The following HIPK2 variants were observed in gnomAD, a reference collection of about 807,000 sequenced individuals.
The protein encoded by HIPK2 is homeodomain-interacting protein kinase 2.
In HIPK2, 27 loss-of-function variants were observed where a neutral mutation model predicts 113.7. The observed-to-expected ratio is 0.24, with a 90% CI of 0.17 to 0.33. The LOEUF (loss-of-function observed/expected upper bound fraction) is 0.33, where lower values mean the gene tolerates loss of function less well. Among genes scored for constraint, HIPK2 ranks in the 10% least tolerant of loss-of-function variants. The pLI is 1.00. For missense variants in HIPK2, 1,257 were observed against 1,588.0 expected, an observed-to-expected ratio of 0.79 and a Z score of 3.54; for synonymous variants, 631 against 642.2, an observed-to-expected ratio of 0.98 and a Z score of 0.26.
intron 2 of HIPK2, among the ~76,000 whole-genome samples, chr7:139,633,900 G>A (rs953200845): frequency 4.0e-5 from 6 of 151,508 alleles, no homozygotes; most frequent in Admixed American, 6.6e-5. Flanking sequence ...AGCCGGGATC[G>A]TGCCATTGTA....
intron 2 of HIPK2, among the ~76,000 whole-genome samples, chr7:139,712,590 G>A (rs1335760484): frequency 3.3e-5 from 5 of 152,216 alleles, no homozygotes; most frequent in Admixed American, 2.6e-4. Flanking sequence ...CAGCCCAGGC[G>A]GCTCAAACAC....
At chr7:139,579,936 A>G (rs1322448512) in intron 13 of HIPK2, among the ~76,000 whole-genome samples, 1 of 152,158 alleles carries the variant, frequency 6.6e-6, no homozygotes, top group Non-Finnish European at 1.5e-5. Context: ...GGCTGAACAG[A>G]CCTGCATTTG....
intron 1 of HIPK2, among the ~76,000 whole-genome samples, chr7:139,738,675 G>A (rs1390527806): frequency 6.6e-6 from 1 of 152,184 alleles, no homozygotes; most frequent in Non-Finnish European, 1.5e-5. Flanking sequence ...ATGGGGTGAA[G>A]TGATAACAGG....
rs186983087 is a variant in HIPK2 at position 139,621,251 on chromosome 7, C to T, written c.1620-688G>A. 3.9e-5 allele frequency among the ~76,000 whole-genome samples: 6 copies of T among 152,220 alleles called. 1 individual carries two copies. In the South Asian group the frequency reaches 6.2e-4, roughly 16 times the overall value. On this transcript the variant is annotated intron_variant, in intron 6 of 14. Transcript: ENST00000406875. ...AGACATGATTCTCGTCCCTACTTCA[C>T]GAGTAAGGCTGAAGCTTAGGGAGGT... is the stretch of plus-strand genomic sequence containing the variant.
intron 14 of HIPK2, among the ~76,000 whole-genome samples, chr7:139,574,799 A>G (rs1798432432): frequency 6.6e-6 from 1 of 152,266 alleles, no homozygotes; most frequent in Non-Finnish European, 1.5e-5. Context: ...GGGCCGGGAC[A>G]CAGTGCTCTA....
At chr7:139,609,561 G>A (rs908080848) in intron 9 of HIPK2, among the ~76,000 whole-genome samples, 48 of 152,224 alleles carry the variant, frequency 3.2e-4, no homozygotes, top group Non-Finnish European at 1.3e-4. Context: ...GATTTGGAAT[G>A]CCTCTGCCTG....
intron 13 of HIPK2, among the ~76,000 whole-genome samples, chr7:139,582,282 C>T (rs1445533111): frequency 6.6e-6 from 1 of 152,248 alleles, no homozygotes; most frequent in Non-Finnish European, 1.5e-5. Context: ...CAAGTACAGC[C>T]TGGCCCCTGT....
intron 2 of HIPK2, among the ~76,000 whole-genome samples, chr7:139,692,561 C>T (rs1024043487): frequency 1.3e-5 from 2 of 152,164 alleles, no homozygotes; most frequent in South Asian, 2.1e-4. Flanking sequence ...CTATTGTCAT[C>T]TGTAGAATTT....
chr7:139,746,580 T>G (rs1796193953), intron 1 of HIPK2, among the ~76,000 whole-genome samples: 1 of 152,154 alleles, frequency 6.6e-6, no homozygotes, highest in Non-Finnish European at 1.5e-5. Context: ...ACTGACTACT[T>G]ATTGATGTCC....
chr7:139,588,931 C>G (rs1798927594), intron 12 of HIPK2, among the ~76,000 whole-genome samples: 1 of 152,216 alleles, frequency 6.6e-6, no homozygotes, highest in South Asian at 2.1e-4. Context: ...TGGCGCTGCC[C>G]TGCCCTTCAC....
At chr7:139,605,971 A>G (rs1043789377) in intron 9 of HIPK2, among the ~76,000 whole-genome samples, 3 of 152,252 alleles carry the variant, frequency 2.0e-5, no homozygotes, top group African/African-American at 4.8e-5. Context: ...TTCAGAGCTC[A>G]TGAAAAGCAT....
rs144667734 is a variant in HIPK2 at position 139,711,030 on chromosome 7, A to C, written c.1103+4902T>G. On this transcript the variant is annotated intron_variant, in intron 2 of 14. Transcript: ENST00000406875. ...TTTTTTTTTAATAAATTACCCAGTC[A>C]TAGGTAGCTCTTTATGGCAATGCAA... 6.5e-4 allele frequency among the ~76,000 whole-genome samples: 98 copies of C among 151,356 alleles called. 2 individuals carry two copies. In the East Asian group the frequency reaches 0.018, roughly 28 times the overall value.
intron 13 of HIPK2, 44 bp downstream of exon 13, chr7:139,583,773 A>G (rs1798744353): frequency 1.9e-6 from 3 of 1,585,238 alleles, no homozygotes; most frequent in Non-Finnish European, 1.7e-6. Flanking sequence ...CAGGAAAACC[A>G]CTCTCCAGGG....
chr7:139,702,138 G>A (rs984994851), intron 2 of HIPK2, among the ~76,000 whole-genome samples: 129 of 152,304 alleles, frequency 8.5e-4, no homozygotes, highest in African/African-American at 2.9e-3. Flanking sequence ...AGCGCAGGCC[G>A]GGGCACGAGA....
chr7:139,672,949 T>G (rs74733514), intron 2 of HIPK2, among the ~76,000 whole-genome samples: 4,768 of 152,240 alleles, frequency 0.031, 87 homozygotes, highest in South Asian at 0.059. Context: ...AGTATCCTCC[T>G]TGCAAAAAGT....
At chr7:139,584,412 C>T (rs1054243541) in intron 12 of HIPK2, among the ~76,000 whole-genome samples, 2 of 152,152 alleles carry the variant, frequency 1.3e-5, no homozygotes, top group African/African-American at 2.4e-5. Flanking sequence ...GTACAACCCC[C>T]GTGGGCCTGC....
intron 1 of HIPK2, among the ~76,000 whole-genome samples, chr7:139,722,992 T>C (rs1458204740): frequency 6.6e-6 from 1 of 152,030 alleles, no homozygotes; most frequent in Non-Finnish European, 1.5e-5. Context: ...GCTTCCCAAG[T>C]AGCTAGGACT....
At chr7:139,660,239 AG>A (rs1801820308) in intron 2 of HIPK2, among the ~76,000 whole-genome samples, 1 of 152,236 alleles carries the variant, frequency 6.6e-6, no homozygotes, top group Non-Finnish European at 1.5e-5. Flanking sequence ...CAAAGCCTAT[AG>A]GGTTTCAAAT....
chr7:139,717,106 G>A (rs1222150486), intron 1 of HIPK2, 91 bp from the exon 2 acceptor site: 1 of 1,438,144 alleles, frequency 7.0e-7, no homozygotes, highest in African/African-American at 1.4e-5. Context: ...TCTGTGGCTT[G>A]GGCCATACAG....
Sources: allele counts gnomAD v4.1 joint callset (sites outside exome capture counted in the v4.1 genomes callset), GRCh38; gene constraint gnomAD v4.1.1; transcripts MANE v1.5; gene names NCBI Gene and HGNC (gene_info 2026-07-23, HGNC 2026-07-21).